The following EYS variants were observed in gnomAD, a reference collection of about 807,000 sequenced individuals.
EYS encodes the protein EGF-like photoreceptor maintenance factor, also known as protein eyes shut homolog.
EYS carries 250 observed loss-of-function variants against 282.1 expected under a neutral mutation model. The ratio of observed to expected loss-of-function variants is 0.89; its 90% CI spans 0.80 to 0.98. The LOEUF is 0.98. EYS is among the 50% of genes least tolerant of loss of function. The pLI is 0.00. For missense variants in EYS, 4,016 were observed against 3,709.0 expected (o/e 1.08, Z -2.15); for synonymous variants, 1,355 against 1,282.9 (o/e 1.06, Z -1.20).
At chr6:65,606,856 T>A (rs1765813578) in intron 2 of EYS, among the ~76,000 whole-genome samples, 1 of 146,718 alleles carries the variant, frequency 6.8e-6, no homozygotes, top group South Asian at 2.2e-4. Context: ...TTTTCTAATA[T>A]CTGAGTTGAA....
chr6:64,455,043 T>A (rs1289360561), intron 26 of EYS, among the ~76,000 whole-genome samples: 2 of 152,174 alleles, frequency 1.3e-5, no homozygotes, highest in Non-Finnish European at 2.9e-5. Context: ...ATTTACATAT[T>A]GAGCAACCTT....
At chr6:64,935,275 TAGC>T (rs1768870371) in intron 15 of EYS, among the ~76,000 whole-genome samples, 1 of 151,680 alleles carries the variant, frequency 6.6e-6, no homozygotes, top group Non-Finnish European at 1.5e-5. Flanking sequence ...AATGGCATAA[TAGC>T]AGAAGTAAAC....
chr6:64,445,282 T>C (rs1395616082), intron 26 of EYS, among the ~76,000 whole-genome samples: 1 of 152,130 alleles, frequency 6.6e-6, no homozygotes, highest in Non-Finnish European at 1.5e-5. Context: ...AAGCACAGAA[T>C]AGCTTTGTGA....
At chr6:63,804,149 T>C (rs1374513786) in intron 37 of EYS, among the ~76,000 whole-genome samples, 1 of 152,134 alleles carries the variant, frequency 6.6e-6, no homozygotes, top group Non-Finnish European at 1.5e-5. Context: ...CCCAAGTAGC[T>C]AGGATTACAG....
At chr6:64,943,743 G>A (rs1769179246) in intron 15 of EYS, among the ~76,000 whole-genome samples, 1 of 152,074 alleles carries the variant, frequency 6.6e-6, no homozygotes, top group African/African-American at 2.4e-5. Flanking sequence ...CCGTGTTCAT[G>A]GCTTGGAAGA....
chr6:65,270,641 A>G (rs1767873055), intron 12 of EYS, among the ~76,000 whole-genome samples: 1 of 152,128 alleles, frequency 6.6e-6, no homozygotes, highest in Non-Finnish European at 1.5e-5. Context: ...TTTTACTATG[A>G]AAAGTCAGAA....
intron 35 of EYS, among the ~76,000 whole-genome samples, chr6:63,874,601 C>G (rs1772913694): frequency 6.6e-6 from 1 of 152,140 alleles, no homozygotes; most frequent in African/African-American, 2.4e-5. Context: ...TGGCCATTTT[C>G]CCGATATTGA....
chr6:64,955,769 C>T (rs572529593), intron 14 of EYS, among the ~76,000 whole-genome samples: 28 of 152,156 alleles, frequency 1.8e-4, no homozygotes, highest in Non-Finnish European at 2.6e-4. Flanking sequence ...GAACTTTACT[C>T]CTCCTATTAA....
At chr6:64,587,846 G>GA (rs1374686998) in intron 26 of EYS, among the ~76,000 whole-genome samples, 2 of 151,958 alleles carry the variant, frequency 1.3e-5, no homozygotes, top group Admixed American at 6.6e-5. Context: ...TGGATTAATT[G>GA]AAAAAACTAA....
chr6:64,888,835 C>A (rs1767181839), intron 18 of EYS, among the ~76,000 whole-genome samples: 1 of 151,874 alleles, frequency 6.6e-6, no homozygotes, highest in African/African-American at 2.4e-5. Context: ...TAATGATGAT[C>A]CCAAGGAATC....
chr6:65,233,037 CTTA>C (rs993839644), intron 12 of EYS, among the ~76,000 whole-genome samples: 6 of 152,046 alleles, frequency 3.9e-5, no homozygotes, highest in African/African-American at 1.4e-4. Flanking sequence ...ATATCTGTAT[CTTA>C]TTGATATTCT....
intron 30 of EYS, among the ~76,000 whole-genome samples, chr6:64,257,913 G>T (rs998757075): frequency 4.6e-5 from 7 of 151,922 alleles, no homozygotes; most frequent in Non-Finnish European, 1.0e-4. Flanking sequence ...CAACTAAAAA[G>T]ATCCTGATTA....
chr6:64,274,486 T>TTTTTTTTTTTTTG (rs1562282413), intron 30 of EYS, among the ~76,000 whole-genome samples: 4 of 146,042 alleles, frequency 2.7e-5, no homozygotes, highest in African/African-American at 1.1e-4. Flanking sequence ...TGGCCGTTTT[T>TTTTTTTTTTTTTG]TTTTTTTTTT....
chr6:65,291,729 G>A (rs1562076207), intron 12 of EYS, among the ~76,000 whole-genome samples: 1 of 151,492 alleles, frequency 6.6e-6, no homozygotes, highest in Non-Finnish European at 1.5e-5. Context: ...CATCTTTGGA[G>A]TCTACTAAAA....
intron 5 of EYS, among the ~76,000 whole-genome samples, chr6:65,411,828 T>TC (rs1767027640): frequency 1.3e-5 from 2 of 151,890 alleles, no homozygotes; most frequent in Admixed American, 1.3e-4. Context: ...TTTTTTTTTT[T>TC]CGGTTAATTG....
At chr6:64,880,676 T>TC (rs1377100897) in intron 19 of EYS, among the ~76,000 whole-genome samples, 1 of 151,018 alleles carries the variant, frequency 6.6e-6, no homozygotes, top group Non-Finnish European at 1.5e-5. Context: ...GTTTTTAATT[T>TC]CTTTTTAGAA....
At chr6:65,145,675 C>T (rs1461413294) in intron 12 of EYS, among the ~76,000 whole-genome samples, 1 of 152,012 alleles carries the variant, frequency 6.6e-6, no homozygotes, top group Non-Finnish European at 1.5e-5. Context: ...TCCCAGGAAT[C>T]TTTGCACCAC....
intron 41 of EYS, among the ~76,000 whole-genome samples, chr6:63,727,048 G>C (rs973222245): frequency 1.1e-4 from 17 of 152,238 alleles, no homozygotes; most frequent in African/African-American, 3.6e-4. Flanking sequence ...TTCAAATGTT[G>C]GAAGATAGAG....
chr6:64,106,638 G>T (rs1196377646), intron 31 of EYS, among the ~76,000 whole-genome samples: 1 of 151,892 alleles, frequency 6.6e-6, no homozygotes, highest in Non-Finnish European at 1.5e-5. Context: ...GTGTGTGTGT[G>T]TGTGTGTCTG....
Sources: allele counts gnomAD v4.1 joint callset (sites outside exome capture counted in the v4.1 genomes callset), GRCh38; gene constraint gnomAD v4.1.1; transcripts MANE v1.5; gene names NCBI Gene and HGNC (gene_info 2026-07-23, HGNC 2026-07-21).